Variants in POU6F2 observed in about 807,000 individuals in gnomAD.
The protein encoded by POU6F2 is POU domain, class 6, transcription factor 2.
A neutral mutation model predicts 71.3 loss-of-function variants in POU6F2; 31 were observed. That is an observed-to-expected ratio of 0.43 (90% CI 0.33 to 0.59). The LOEUF is 0.59. Among genes scored for constraint, POU6F2 ranks in the 20% least tolerant of loss-of-function variants. The pLI, the probability that POU6F2 is intolerant of heterozygous loss-of-function variation, is 0.04. For missense variants in POU6F2, 783 were observed against 856.8 expected, an observed-to-expected ratio of 0.91 and a Z score of 1.07; for synonymous variants, 347 against 355.7, an observed-to-expected ratio of 0.98 and a Z score of 0.27.
chr7:39,286,652 AC>A (rs963841031), intron 4 of POU6F2, among the ~76,000 whole-genome samples: 1 of 152,206 alleles, frequency 6.6e-6, no homozygotes, highest in Non-Finnish European at 1.5e-5. Context: ...CTGATGTGAA[AC>A]TTTCATTCCT....
At chr7:39,194,988 A>G (rs1017458943) in intron 2 of POU6F2, among the ~76,000 whole-genome samples, 2 of 152,278 alleles carry the variant, frequency 1.3e-5, no homozygotes, top group African/African-American at 2.4e-5. Flanking sequence ...CACCATCTTT[A>G]AGAACTGTAA....
intron 2 of POU6F2, among the ~76,000 whole-genome samples, chr7:39,114,619 G>T (rs1260161480): frequency 6.6e-6 from 1 of 152,020 alleles, no homozygotes; most frequent in Non-Finnish European, 1.5e-5. Context: ...ACTGATTTTT[G>T]ATGGTATTAA....
intron 2 of POU6F2, among the ~76,000 whole-genome samples, chr7:39,089,382 T>TG (rs771512418): frequency 9.9e-5 from 15 of 151,564 alleles, no homozygotes; most frequent in Non-Finnish European, 1.9e-4. Flanking sequence ...TGGTTGGGGG[T>TG]GGGGGATTAT....
intron 4 of POU6F2, among the ~76,000 whole-genome samples, chr7:39,253,143 G>C (rs1783959982): frequency 6.6e-6 from 1 of 152,254 alleles, no homozygotes; most frequent in South Asian, 2.1e-4. Context: ...AGAAATATTT[G>C]TTAAATTCCT....
At chr7:39,204,066 C>T (rs1195890049) in intron 2 of POU6F2, among the ~76,000 whole-genome samples, 169 bp from the exon 3 acceptor site, 2 of 152,184 alleles carry the variant, frequency 1.3e-5, no homozygotes, top group Non-Finnish European at 2.9e-5. Context: ...TCTTGATGAA[C>T]TTGGCCATCC....
intron 6 of POU6F2, among the ~76,000 whole-genome samples, chr7:39,419,728 C>T (rs568685321): frequency 6.6e-5 from 10 of 152,284 alleles, no homozygotes; most frequent in South Asian, 2.1e-4. Flanking sequence ...ATCCTTGGCA[C>T]TCGCATCTGT....
intron 4 of POU6F2, among the ~76,000 whole-genome samples, chr7:39,259,209 C>A (rs541583117): frequency 6.6e-6 from 1 of 152,254 alleles, no homozygotes; most frequent in South Asian, 2.1e-4. Flanking sequence ...ACTTAAGCGG[C>A]AGCTGATTTT....
chr7:39,271,718 T>A (rs1282103395), intron 4 of POU6F2, among the ~76,000 whole-genome samples: 1 of 152,204 alleles, frequency 6.6e-6, no homozygotes, highest in African/African-American at 2.4e-5. Flanking sequence ...AACATGCCTA[T>A]ATGCTCATTT....
chr7:39,005,483 C>CGTGTGTGTGTGTGT, intron 1 of POU6F2, among the ~76,000 whole-genome samples: 2 of 12,402 alleles, frequency 1.6e-4, no homozygotes, highest in Admixed American at 2.0e-3. Flanking sequence ...AAGGGAGAAA[C>CGTGTGTGTGTGTGT]CTGTGTGTGT....
chr7:39,303,114 T>A (rs775886271), intron 4 of POU6F2, among the ~76,000 whole-genome samples: 2 of 152,244 alleles, frequency 1.3e-5, no homozygotes, highest in Non-Finnish European at 1.5e-5. Flanking sequence ...CAGACATAGC[T>A]GTCACTACAG....
chr7:39,337,106 A>G (rs1248913433), intron 4 of POU6F2, among the ~76,000 whole-genome samples: 1 of 152,180 alleles, frequency 6.6e-6, no homozygotes, highest in Non-Finnish European at 1.5e-5. Flanking sequence ...AATTGTTTAC[A>G]ATTTACAGCT....
At chr7:39,269,695 T>C (rs1784310015) in intron 4 of POU6F2, among the ~76,000 whole-genome samples, 1 of 152,332 alleles carries the variant, frequency 6.6e-6, no homozygotes, top group Admixed American at 6.5e-5. Context: ...AAGCACCCCC[T>C]GAGCCTGTTG....
chr7:39,233,285 G>T (rs1378940343), intron 4 of POU6F2, among the ~76,000 whole-genome samples: 3 of 146,474 alleles, frequency 2.0e-5, no homozygotes, highest in Admixed American at 6.9e-5. Context: ...AAGAAATAGT[G>T]GTATTATCTG....
At position 39,160,267 on chromosome 7, in the gene POU6F2, G is replaced by A. The variant is rs1204700705; in HGVS notation, c.278-43968G>A. On this transcript the variant is annotated intron_variant, in intron 2 of 9. Coordinates refer to ENST00000518318, the MANE Select transcript of POU6F2 (RefSeq NM_001370959.1). ...ATCCAGTAGAGGAAGACTGAGAACAGCCAAATGGATTTTATAATTTCAGTA... is the reference window on the plus strand; with the variant it reads ...ATCCAGTAGAGGAAGACTGAGAACAACCAAATGGATTTTATAATTTCAGTA... 2.6e-5 allele frequency among the ~76,000 whole-genome samples: 4 copies of A among 152,192 alleles called. No individual in the cohort carries two copies. The East Asian group carries it at 5.8e-4, about 22-fold the overall frequency.
intron 2 of POU6F2, among the ~76,000 whole-genome samples, chr7:39,150,731 G>A (rs1286261059): frequency 6.6e-6 from 1 of 151,978 alleles, no homozygotes; most frequent in Non-Finnish European, 1.5e-5. Flanking sequence ...CCCTCCCAAA[G>A]TGCTGGGATT....
chr7:39,250,658 C>T (rs1296596333), intron 4 of POU6F2, among the ~76,000 whole-genome samples: 1 of 152,188 alleles, frequency 6.6e-6, no homozygotes, highest in Non-Finnish European at 1.5e-5. Flanking sequence ...CCCCATGGGG[C>T]TGATAGCACC....
At chr7:39,376,489 C>T (rs1786713054) in intron 5 of POU6F2, among the ~76,000 whole-genome samples, 1 of 152,204 alleles carries the variant, frequency 6.6e-6, no homozygotes, top group African/African-American at 2.4e-5. Context: ...CTGGCTCCAT[C>T]ACCAACTCAG....
chr7:39,252,055 G>A (rs986934648), intron 4 of POU6F2, among the ~76,000 whole-genome samples: 1 of 152,104 alleles, frequency 6.6e-6, no homozygotes, highest in Admixed American at 6.5e-5. Flanking sequence ...TCTGAAATGG[G>A]AGGGCCAGCT....
intron 5 of POU6F2, among the ~76,000 whole-genome samples, chr7:39,403,929 G>A (rs1375443995): frequency 1.3e-5 from 2 of 152,218 alleles, no homozygotes; most frequent in Admixed American, 6.5e-5. Context: ...CGTGACTGTG[G>A]TTCTAGCTCT....
Sources: gnomAD v4.1 joint callset for allele counts (sites outside exome capture counted in the v4.1 genomes callset) on GRCh38, gnomAD v4.1.1 for gene constraint, MANE v1.5 for transcripts, NCBI Gene and HGNC (gene_info 2026-07-23, HGNC 2026-07-21) for gene names.